GATA4: variants seen among roughly 807,000 people sequenced by gnomAD.
GATA4 encodes the protein transcription factor GATA-4.
In GATA4, 7 loss-of-function variants were observed where a neutral mutation model predicts 37.9. The observed-to-expected ratio is 0.18, with a 90% CI of 0.11 to 0.35. The LOEUF (loss-of-function observed/expected upper bound fraction) is 0.35, where lower values mean the gene tolerates loss of function less well. GATA4 is among the 10% of genes least tolerant of loss of function. GATA4 has a pLI of 1.00. For synonymous variants in GATA4, 372 were observed against 292.6 expected (o/e 1.27, Z -2.77); for missense variants, 647 against 653.0 (o/e 0.99, Z 0.10).
At chr8:11,731,258 G>A (rs1462667288) in intron 2 of GATA4, among the ~76,000 whole-genome samples, 1 of 152,208 alleles carries the variant, frequency 6.6e-6, no homozygotes, top group Non-Finnish European at 1.5e-5. Context: ...TATTCCCAAT[G>A]TTTATTTTCT....
At chr8:11,715,550 G>A (rs1402293383) in intron 2 of GATA4, among the ~76,000 whole-genome samples, 1 of 152,106 alleles carries the variant, frequency 6.6e-6, no homozygotes, top group East Asian at 1.9e-4. Context: ...AGACCAGCCT[G>A]GCCAATGTGG....
At chr8:11,732,130 A>G (rs1316544591) in intron 2 of GATA4, among the ~76,000 whole-genome samples, 1 of 152,248 alleles carries the variant, frequency 6.6e-6, no homozygotes, top group Non-Finnish European at 1.5e-5. Flanking sequence ...ACATTCATAA[A>G]ATATAGGAGT....
intron 1 of GATA4, among the ~76,000 whole-genome samples, chr8:11,681,683 TTC>T (rs1296909086): frequency 2.0e-5 from 3 of 152,324 alleles, no homozygotes; most frequent in Admixed American, 6.5e-5. Flanking sequence ...CTCTCTTCAT[TTC>T]TCTCTTTTTC....
At chr8:11,722,134 C>A (rs1398363779) in intron 2 of GATA4, among the ~76,000 whole-genome samples, 2 of 152,152 alleles carry the variant, frequency 1.3e-5, no homozygotes, top group Admixed American at 6.5e-5. Flanking sequence ...TGGTGTGAAC[C>A]ACCACACCCC....
intron 1 of GATA4, among the ~76,000 whole-genome samples, chr8:11,682,307 G>A (rs188223895): frequency 4.6e-5 from 7 of 152,194 alleles, no homozygotes; most frequent in Non-Finnish European, 1.0e-4. Flanking sequence ...TGATATGGTA[G>A]AAATAGATAA....
upstream of GATA4, among the ~76,000 whole-genome samples, chr8:11,701,490 T>C (rs1466556404): frequency 2.6e-5 from 4 of 151,752 alleles, no homozygotes; most frequent in Non-Finnish European, 5.9e-5. Context: ...CCGATAAACC[T>C]CCTCCAGCCG....
chr8:11,701,281 G>A (rs1351386223), upstream of GATA4, among the ~76,000 whole-genome samples: 2 of 148,940 alleles, frequency 1.3e-5, no homozygotes, highest in Non-Finnish European at 3.0e-5. Context: ...GACGTTCACA[G>A]TGTTAAATTC....
intron 1 of GATA4, chr8:11,692,685 G>A (rs993930632): frequency 1.0e-6 from 1 of 985,074 alleles, no homozygotes; most frequent in African/African-American, 1.7e-5. Flanking sequence ...GCGGGGGTGA[G>A]GGGTGCGGGG....
At position 11,680,464 on chromosome 8, in the gene GATA4, G is replaced by A. The variant is rs770999720; in HGVS notation, c.-274+3401G>A. The stretch of plus-strand genomic sequence containing the variant: ...CCTCTCCGTTCCTGGCAAGGCCGAA[G>A]CCGGTTTGCTTTGGATGCATTTCGA... On this transcript the variant is annotated intron_variant, in intron 1 of 6. Transcript: ENST00000528712. 2.6e-4 allele frequency: 257 copies of A among 985,440 alleles called. No homozygotes were observed. In the Middle Eastern group the frequency reaches 2.6e-3, roughly 10 times the overall value. 61.0% of individuals were successfully genotyped at this position (985,440 alleles called of 1,614,324 possible). A position where few individuals can be genotyped will look rare whatever the true frequency, so the allele number is the denominator to read the frequency against.
intron 2 of GATA4, among the ~76,000 whole-genome samples, chr8:11,727,004 C>A (rs1423578840): frequency 1.3e-5 from 2 of 151,840 alleles, no homozygotes; most frequent in African/African-American, 4.8e-5. Context: ...TGTAGATTCT[C>A]CATGATCCTT....
intron 1 of GATA4, chr8:11,683,085 C>G (rs1201891635): frequency 1.0e-6 from 1 of 985,322 alleles, no homozygotes; most frequent in East Asian, 1.1e-4. Flanking sequence ...TTTTCCCAGC[C>G]TTCTCGCCGG....
intron 2 of GATA4, among the ~76,000 whole-genome samples, chr8:11,739,099 T>C (rs1585662098): frequency 6.6e-6 from 1 of 152,230 alleles, no homozygotes; most frequent in South Asian, 2.1e-4. Flanking sequence ...GTACTTTTTC[T>C]TTCCGGCCAG....
At chr8:11,745,411 C>CAAAA (rs3030049) in intron 2 of GATA4, among the ~76,000 whole-genome samples, 1,337 of 103,888 alleles carry the variant, frequency 0.013, 37 homozygotes, top group African/African-American at 0.039. Context: ...TTGTCTCTAC[C>CAAAA]AAAAAAAAAA....
chr8:11,692,418 C>A (rs148445223), upstream of GATA4: 75 of 744,172 alleles, frequency 1.0e-4, no homozygotes, highest in Middle Eastern at 7.0e-4. Flanking sequence ...ATTTCTCTAC[C>A]TATCTTATCT....
chr8:11,693,560 C>CAGAGAGAGAG (rs1285850308), intron 1 of GATA4, among the ~76,000 whole-genome samples: 29 of 68,920 alleles, frequency 4.2e-4, no homozygotes, highest in African/African-American at 1.4e-3. Flanking sequence ...CACACACACA[C>CAGAGAGAGAG]ACAGAGAGAG....
At chr8:11,681,175 G>T (rs1025621753) in intron 1 of GATA4, 1 of 985,274 alleles carries the variant, frequency 1.0e-6, no homozygotes, top group African/African-American at 1.7e-5. Flanking sequence ...GAACCTTCGG[G>T]GGTTAGTCAC....
intron 4 of GATA4, among the ~76,000 whole-genome samples, chr8:11,751,570 C>G (rs947066510): frequency 6.6e-6 from 1 of 152,130 alleles, no homozygotes; most frequent in Non-Finnish European, 1.5e-5. Context: ...TAAATTAAAA[C>G]CAAACCAAAC....
chr8:11,716,164 G>A (rs1427715848), intron 2 of GATA4, among the ~76,000 whole-genome samples: 1 of 152,170 alleles, frequency 6.6e-6, no homozygotes, highest in African/African-American at 2.4e-5. Context: ...TGTGAATAAT[G>A]CTGCTATGAA....
intron 4 of GATA4, among the ~76,000 whole-genome samples, chr8:11,752,482 G>A (rs895662785): frequency 1.8e-4 from 27 of 152,202 alleles, no homozygotes; most frequent in African/African-American, 5.8e-4. Flanking sequence ...CAGCTCTCAT[G>A]AGACTTACTC....
Sources: gnomAD v4.1 joint callset for allele counts (sites outside exome capture counted in the v4.1 genomes callset) on GRCh38, gnomAD v4.1.1 for gene constraint, MANE v1.5 for transcripts, NCBI Gene and HGNC (gene_info 2026-07-23, HGNC 2026-07-21) for gene names.